The following SACS variants were observed in gnomAD, a reference collection of about 807,000 sequenced individuals.
SACS encodes sacsin.
SACS carries 197 observed loss-of-function variants against 348.0 expected under a neutral mutation model. That is an observed-to-expected ratio of 0.57 (90% CI 0.50 to 0.64). The LOEUF (loss-of-function observed/expected upper bound fraction) is 0.64. SACS is among the 30% of genes least tolerant of loss of function. SACS has a pLI of 0.00. For missense variants in SACS, 4,999 were observed against 5,360.8 expected (o/e 0.93, Z 2.11); for synonymous variants, 1,985 against 1,910.6 (o/e 1.04, Z -1.02).
intron 2 of SACS, among the ~76,000 whole-genome samples, chr13:23,383,625 A>G (rs554497877): frequency 6.6e-6 from 1 of 151,968 alleles, no homozygotes; most frequent in Non-Finnish European, 1.5e-5. Flanking sequence ...TCCATGTTCA[A>G]TTTTGATGGC....
rs767864000 is a variant in SACS, at chr13:23,336,500, A to C, written c.7376T>G (p.Met2459Arg). Reference sequence around the variant, plus strand: ...GCATAACGATTTAGCAGGGAGAAGCATAAGATTAGTATCTGGCAATAATAT... The same window carrying C: ...GCATAACGATTTAGCAGGGAGAAGCCTAAGATTAGTATCTGGCAATAATAT... ...GKILLPDTNL[M>R]LLPAKSLCYN... Residue 2459 changes from methionine (M) to arginine (R), a missense_variant, in exon 10 of 10, where the codon ATG (methionine) becomes AGG (arginine). Met to Arg is a moderately conservative substitution (Grantham distance 91). Around this residue, in one of 6 missense-constraint regions of SACS, gnomAD observed 3,156 missense variants for 3,380.1 expected, o/e 0.93. Coordinates refer to ENST00000382292, the MANE Select transcript of SACS (RefSeq NM_014363.6). The C allele has an allele frequency of 7.4e-6, 12 of 1,613,948 alleles. No homozygotes were observed. The highest frequency in any genetic ancestry group is 6.7e-5 in the African/African-American group (5 of 74,936).
intron 2 of SACS, among the ~76,000 whole-genome samples, chr13:23,390,085 A>G (rs1038191924): frequency 1.3e-5 from 2 of 152,068 alleles, no homozygotes; most frequent in African/African-American, 4.8e-5. Flanking sequence ...CAGGGTATAG[A>G]ATTTATTATT....
intron 2 of SACS, among the ~76,000 whole-genome samples, chr13:23,396,516 C>T (rs1872718661): frequency 6.6e-6 from 1 of 151,758 alleles, no homozygotes; most frequent in Non-Finnish European, 1.5e-5. Flanking sequence ...GATTTACGGT[C>T]AATTAAGGTA....
chr13:23,368,920 T>G (rs7987914), intron 4 of SACS, among the ~76,000 whole-genome samples: 6 of 151,974 alleles, frequency 3.9e-5, no homozygotes, highest in African/African-American at 9.7e-5. Context: ...AGGATGGTCT[T>G]GATCTCCTGA....
At chr13:23,381,368 C>CAT (rs1872050328) in intron 2 of SACS, among the ~76,000 whole-genome samples, 1 of 151,290 alleles carries the variant, frequency 6.6e-6, no homozygotes, top group African/African-American at 2.4e-5. Context: ...CACACACACA[C>CAT]ACACACACAC....
chr13:23,337,847 T>C lies in SACS; in HGVS notation c.6029A>G (p.Lys2010Arg), dbSNP rs1868793167. 2 of 1,613,934 alleles carry C rather than the reference T, an allele frequency of 1.2e-6. No homozygotes were observed. Residue 2010 changes from lysine (K) to arginine (R), a missense_variant, in exon 10 of 10, where the codon AAG becomes AGG. Around this residue, in one of 6 missense-constraint regions of SACS, gnomAD observed 3,156 missense variants for 3,380.1 expected, o/e 0.93. Transcript: ENST00000382292. ...CTTCTTGAGGTATTTCAAAAATATC[T>C]TGAAGGCTGCTGAACCAACATCTCT... ...KRRDVGSAAF[K>R]IFLKYLKKTG...
In SACS at chr13:23,335,917, T is replaced by C; in HGVS notation, c.7959A>G (p.Arg2653=). 6.2e-7 allele frequency: 1 copy of C among 1,613,082 alleles called. No homozygotes were observed. The highest frequency in any genetic ancestry group is 1.7e-5 in the Admixed American group (1 of 59,956). ...DILCIFDPHA[R]YAPGATSISP... is the part of the protein sequence containing the mutation. ...TAATGGATGTGGCCCCTGGTGCATA[T>C]CTGGCATGAGGATCAAAAATACACA... Residue 2653 remains arginine, a synonymous_variant, in exon 10 of 10, where the codon AGA becomes AGG. Coordinates refer to ENST00000382292, the MANE Select transcript of SACS (RefSeq NM_014363.6). This position sits in a 1 kb window ranked among gnomAD's most constrained non-coding sequence, Gnocchi z 4.7.
rs1215929809 is a variant in SACS, at chr13:23,365,154, A to G, written c.457+12T>C. 6.4e-7 allele frequency: 1 copy of G among 1,560,586 alleles called. No homozygotes were observed. Among genetic ancestry groups the G allele is most frequent in the Non-Finnish European group, 8.8e-7 (1 of 1,135,848 alleles). ...CATACAATAAAATTTGTTCCTAATT[A>G]TTGATTCTTACCCTGATATGGCGCC... On this transcript the variant is annotated intron_variant, in intron 6 of 9. Coordinates refer to ENST00000382292, the MANE Select transcript of SACS (RefSeq NM_014363.6).
chr13:23,357,678 A>G (rs913356959), intron 7 of SACS, among the ~76,000 whole-genome samples: 11 of 152,252 alleles, frequency 7.2e-5, no homozygotes, highest in Non-Finnish European at 1.6e-4. Flanking sequence ...AACTATAATC[A>G]GTACTAAGAG....
At chr13:23,358,802 A>G (rs1335300124) in intron 6 of SACS, among the ~76,000 whole-genome samples, 1 of 152,204 alleles carries the variant, frequency 6.6e-6, no homozygotes, top group Non-Finnish European at 1.5e-5. Context: ...TCTAAATAGT[A>G]TATTTAAATC....
intron 2 of SACS, among the ~76,000 whole-genome samples, chr13:23,391,785 A>AGGGAGAAAG (rs1872534674): frequency 7.4e-6 from 1 of 135,278 alleles, no homozygotes; most frequent in Non-Finnish European, 1.6e-5. Context: ...TCCATCCAGG[A>AGGGAGAAAG]GGGAGAAAGG....
chr13:23,367,682 C>T (rs1410531911), intron 5 of SACS, among the ~76,000 whole-genome samples: 2 of 152,142 alleles, frequency 1.3e-5, no homozygotes, highest in African/African-American at 4.8e-5. Flanking sequence ...GCAATCTCTG[C>T]CTCCGGGTTC....
Position 23,339,667 on chromosome 13 carries a change from A to T in SACS, c.4209T>A (p.Ile1403=), listed in dbSNP as rs1869011953. ...GTAAGTCATTAAGGTCATCAACTTT[A>T]ATGTCACAATAACAGCATTCGTGAA... The part of the protein sequence containing the change: ...KPIHECCYCD[I]KVDDLNDLLE... The change falls in exon 10 of 10, where the codon ATT becomes ATA. Residue 1403 remains isoleucine (I), a synonymous_variant. Transcript: ENST00000382292. 6.2e-7 allele frequency: 1 copy of T among 1,613,908 alleles called. No homozygotes were observed. The highest frequency in any genetic ancestry group is 8.5e-7 in the Non-Finnish European group (1 of 1,179,906).
rs1470724798 is a variant in SACS at position 23,335,515 on chromosome 13, AC to A, written c.8360del (p.Ser2787MetfsTer16). On this transcript the variant is annotated frameshift_variant, in exon 10 of 10. Transcript: ENST00000382292. LOFTEE classifies it high-confidence loss of function. The surrounding 1 kb of genome is among the most constrained non-coding windows in gnomAD (Gnocchi z 4.7). ...CTTTGAGCTGCCTCTTTTTAGTAACACTATCAATTACAGATGCATGAAATTG... is the reference window on the plus strand; with the variant it reads ...CTTTGAGCTGCCTCTTTTTAGTAACATATCAATTACAGATGCATGAAATTG... Reference protein sequence around the residue: ...RKQFHASVIDSVTKKRQLKDI... With the variant: ...RKQFHASVIDXVTKKRQLKDI... The A allele has an allele frequency of 6.2e-7, 1 of 1,613,666 alleles. No homozygotes were observed. Among genetic ancestry groups the A allele is most frequent in the Admixed American group, 1.7e-5 (1 of 59,994 alleles).
chr13:23,430,437 G>C (rs766217157), intron 1 of SACS, among the ~76,000 whole-genome samples: 2 of 152,046 alleles, frequency 1.3e-5, no homozygotes, highest in Non-Finnish European at 2.9e-5. Flanking sequence ...TTGAGTTTCA[G>C]ATAAACCACG....
chr13:23,365,389 C>T (rs1871002812), intron 5 of SACS, 112 bp from the exon 6 acceptor site: 1 of 663,708 alleles, frequency 1.5e-6, no homozygotes, highest in Admixed American at 3.3e-5. Flanking sequence ...AAAGGAAACC[C>T]ACTATTTGCA....
In SACS at chr13:23,335,365, T is replaced by C. The variant is rs760102941; in HGVS notation, c.8511A>G (p.Ile2837Met). 7 of 1,613,816 alleles carry C rather than the reference T, an allele frequency of 4.3e-6. No individual in the cohort carries two copies. Among genetic ancestry groups the C allele is most frequent in the Non-Finnish European group, 1.7e-6 (2 of 1,179,892 alleles). The change falls in exon 10 of 10, where the codon ATA becomes ATG. Residue 2837 changes from isoleucine (I) to methionine (M), a missense_variant. Physicochemically the swap from Ile to Met is conservative, Grantham distance 10 (BLOSUM62 1). Around this residue, in one of 6 missense-constraint regions of SACS, gnomAD observed 3,156 missense variants for 3,380.1 expected, o/e 0.93. Transcript: ENST00000382292. This position sits in a 1 kb window ranked among gnomAD's most constrained non-coding sequence, Gnocchi z 4.7. Reference protein sequence around the residue: ...SSMEKVSKSVISAHKNQDITL... With the variant: ...SSMEKVSKSVMSAHKNQDITL... ...TAATATCTTGGTTCTTGTGAGCTGA[T>C]ATGACACTTTTAGATACTTTCTCCA...
chr13:23,370,996 ACCAAC>A, intron 4 of SACS, 77 bp downstream of exon 4: 1 of 932,448 alleles, frequency 1.1e-6, no homozygotes, highest in Non-Finnish European at 1.7e-6. Context: ...AGTTTCAAAA[ACCAAC>A]CAAACAAACA....
rs1883393913 is a variant in SACS, at chr13:23,330,485, T to A, written c.13391A>T (p.Asp4464Val). ...ARANFSAARN[D>V]LHKNANEWVC... The stretch of plus-strand genomic sequence containing the variant: ...CCACTCATTGGCATTTTTATGAAGG[T>A]CATTCCTGGCAGCTGAGAAGTTTGC... Residue 4464 changes from aspartate (D) to valine (V), a missense_variant, in exon 10 of 10, where the codon GAC becomes GTC. Physicochemically the swap from Asp to Val is radical, Grantham distance 152. Transcript: ENST00000382292. 1 of 1,614,220 alleles carries A rather than the reference T, an allele frequency of 6.2e-7. No individual in the cohort carries two copies. The highest frequency in any genetic ancestry group is 8.5e-7 in the Non-Finnish European group (1 of 1,180,034).
Sources: gnomAD v4.1 joint callset for allele counts (sites outside exome capture counted in the v4.1 genomes callset) on GRCh38, gnomAD v4.1.1 for gene constraint, gnomAD v4.1.1 regional missense constraint, Gnocchi (gnomAD v3.1) non-coding constraint, MANE v1.5 for transcripts, NCBI Gene and HGNC (gene_info 2026-07-23, HGNC 2026-07-21) for gene names.